GRIP2: variants seen among roughly 807,000 people sequenced by gnomAD.
GRIP2 encodes glutamate receptor-interacting protein 2.
GRIP2 carries 58 observed loss-of-function variants against 108.3 expected under a neutral mutation model. The ratio of observed to expected loss-of-function variants is 0.54; its 90% confidence interval spans 0.43 to 0.67. GRIP2 has a LOEUF of 0.67. Ranked by LOEUF, GRIP2 falls within the 30% of genes least tolerant of loss-of-function variation. The pLI, the probability that GRIP2 is intolerant of heterozygous loss-of-function variation, is 0.00. For synonymous variants in GRIP2, 586 were observed against 598.2 expected (o/e 0.98, Z 0.30); for missense variants, 1,278 against 1,430.6 (o/e 0.89, Z 1.72).
At chr3:14,591,045 A>G in the GRIP2 span, among the ~76,000 whole-genome samples, 1 of 152,098 alleles carries the variant, frequency 6.6e-6, no homozygotes, top group Non-Finnish European at 1.5e-5. Flanking sequence ...ATCCCTCCAC[A>G]TGTGCACCTC....
At chr3:14,504,264 C>A (rs1347920786) in intron 20 of GRIP2, among the ~76,000 whole-genome samples, 1 of 152,010 alleles carries the variant, frequency 6.6e-6, no homozygotes, top group African/African-American at 2.4e-5. Context: ...ATTACAAAGG[C>A]CTCAACGGTT....
At chr3:14,534,655 G>A (rs550709079) in intron 1 of GRIP2, among the ~76,000 whole-genome samples, 3 of 152,202 alleles carry the variant, frequency 2.0e-5, no homozygotes, top group African/African-American at 7.2e-5. Context: ...CAGTCCCGGC[G>A]AATGTGGGGT....
intron 11 of GRIP2, among the ~76,000 whole-genome samples, chr3:14,516,256 T>C (rs1331712004): frequency 6.6e-6 from 1 of 152,164 alleles, no homozygotes; most frequent in African/African-American, 2.4e-5. Context: ...CCAGGGAGTG[T>C]AGAACCATAT....
chr3:14,536,439 C>A (rs979838775), intron 1 of GRIP2, among the ~76,000 whole-genome samples: 2 of 152,286 alleles, frequency 1.3e-5, no homozygotes, highest in Non-Finnish European at 2.9e-5. Context: ...GGGCAACAGA[C>A]CCCAAATGAG....
At chr3:14,527,233 G>T (rs181389363) in intron 1 of GRIP2, among the ~76,000 whole-genome samples, 1 of 146,788 alleles carries the variant, frequency 6.8e-6, no homozygotes, top group Admixed American at 7.2e-5. Context: ...GAGAGGGGGT[G>T]AGAAAGAAGG....
the GRIP2 span, among the ~76,000 whole-genome samples, chr3:14,563,857 G>C: frequency 6.6e-6 from 1 of 152,158 alleles, no homozygotes; most frequent in Non-Finnish European, 1.5e-5. Context: ...CTGTCACCTT[G>C]CTGCCCTAAA....
chr3:14,553,979 T>C (rs934669059), intron 1 of GRIP2, among the ~76,000 whole-genome samples: 4 of 152,110 alleles, frequency 2.6e-5, no homozygotes, highest in African/African-American at 9.7e-5. Flanking sequence ...CTTTGCTTAT[T>C]TTCTATTAAG....
chr3:14,495,371 GTCC>G (rs1380194228), intron 22 of GRIP2, among the ~76,000 whole-genome samples: 3 of 152,256 alleles, frequency 2.0e-5, no homozygotes, highest in Non-Finnish European at 2.9e-5. Context: ...GCTAGGGGTT[GTCC>G]TCCTCCATAT....
chr3:14,556,129 G>A, upstream of GRIP2: 4 of 396,390 alleles, frequency 1.0e-5, no homozygotes, highest in East Asian at 3.6e-5. Flanking sequence ...CGGAGCCAGC[G>A]GTGGCATTGG....
At position 14,503,880 on chromosome 3, in the gene GRIP2, G is replaced by T. The variant is rs1027979694; in HGVS notation, c.2574-209C>A. 2.2e-5 allele frequency: 13 copies of T among 583,198 alleles called. No homozygotes were observed. In the South Asian group the frequency reaches 2.6e-4, roughly 12 times the overall value. The allele number at this position is 583,198 out of a possible 1,614,324, so 36.1% of individuals were successfully genotyped here. A position where few individuals can be genotyped will look rare whatever the true frequency, so the allele number is the denominator to read the frequency against. ...GGAATAGGGGAAAGACGCAGTTAGG[G>T]GCGACCAGGACTGTCGGTGGCCAGT... On this transcript the variant is annotated intron_variant, in intron 20 of 23. Transcript: ENST00000621039.
At chr3:14,518,996 G>A (rs1413861931) in intron 9 of GRIP2, among the ~76,000 whole-genome samples, 1 of 152,220 alleles carries the variant, frequency 6.6e-6, no homozygotes, top group Non-Finnish European at 1.5e-5. Context: ...GCCTTGCAAC[G>A]CTACCTCAGC....
At chr3:14,496,051 G>A (rs1693591571) in intron 22 of GRIP2, among the ~76,000 whole-genome samples, 2 of 152,006 alleles carry the variant, frequency 1.3e-5, no homozygotes, top group South Asian at 2.1e-4. Flanking sequence ...GGGCTGAGGT[G>A]GGAGAATCGC....
the GRIP2 span, among the ~76,000 whole-genome samples, chr3:14,584,598 G>A: frequency 6.6e-6 from 1 of 152,202 alleles, no homozygotes; most frequent in Non-Finnish European, 1.5e-5. Context: ...GAGGTAGGCA[G>A]CAGCCTGGGA....
At chr3:14,600,214 TGCATCA>T in the GRIP2 span, among the ~76,000 whole-genome samples, 1 of 152,152 alleles carries the variant, frequency 6.6e-6, no homozygotes, top group Non-Finnish European at 1.5e-5. Context: ...AGCCCAACAA[TGCATCA>T]GATCATTTCT....
At chr3:14,530,713 A>C (rs1297847430) in intron 1 of GRIP2, among the ~76,000 whole-genome samples, 2 of 152,208 alleles carry the variant, frequency 1.3e-5, no homozygotes, top group African/African-American at 2.4e-5. Context: ...CTGAGCTTAA[A>C]AAATTTATTT....
At chr3:14,497,561 C>T (rs759170401) in intron 21 of GRIP2, among the ~76,000 whole-genome samples, 3 of 152,140 alleles carry the variant, frequency 2.0e-5, no homozygotes, top group African/African-American at 4.8e-5. Flanking sequence ...GCCAGTCCTG[C>T]GGCGCCCTCT....
In GRIP2 at chr3:14,489,231, T is replaced by G. The variant is rs1045292698; in HGVS notation, c.*4434A>C. On this transcript the variant is annotated 3_prime_UTR_variant, in exon 24 of 24. Transcript: ENST00000621039. Reference sequence around the variant, plus strand: ...TCCCTGTATTTTGCAGGGGTTTTTTTCTCTTTTGCTTTTTAGATAAATATG... The same window carrying G: ...TCCCTGTATTTTGCAGGGGTTTTTTGCTCTTTTGCTTTTTAGATAAATATG... 1.3e-5 allele frequency: 2 copies of G among 152,630 alleles called. No homozygotes were observed. The highest frequency in any genetic ancestry group is 2.9e-5 in the Non-Finnish European group (2 of 68,044). The allele number at this position is 152,630 out of a possible 1,614,324, so 9.5% of individuals were successfully genotyped here.
chr3:14,589,015 C>T, the GRIP2 span, among the ~76,000 whole-genome samples: 15 of 152,188 alleles, frequency 9.9e-5, no homozygotes, highest in African/African-American at 3.4e-4. Flanking sequence ...GAACAGAAAG[C>T]GCCTACTCAC....
upstream of GRIP2, among the ~76,000 whole-genome samples, chr3:14,560,955 G>C (rs1695306608): frequency 6.6e-6 from 1 of 152,164 alleles, no homozygotes; most frequent in South Asian, 2.1e-4. Flanking sequence ...GAGGACCCCT[G>C]GGCCCTCAAC....
Sources: allele counts gnomAD v4.1 joint callset (sites outside exome capture counted in the v4.1 genomes callset), GRCh38; gene constraint gnomAD v4.1.1; transcripts MANE v1.5; gene names NCBI Gene and HGNC (gene_info 2026-07-23, HGNC 2026-07-21).